The following C4orf51 variants were observed in gnomAD, a reference collection of about 807,000 sequenced individuals.
C4orf51 encodes the protein uncharacterized protein C4orf51.
C4orf51 carries 25 observed loss-of-function variants against 25.2 expected under a neutral mutation model. That is an observed-to-expected ratio of 0.99 (90% CI 0.72 to 1.39). The LOEUF (loss-of-function observed/expected upper bound fraction) is 1.39. Among genes scored for constraint, C4orf51 ranks in the 40% most tolerant of loss-of-function variants. The probability of loss-of-function intolerance (pLI) is 0.00; values close to 1 mark genes in which losing one functional copy is unlikely to be tolerated. For missense variants in C4orf51, 252 were observed against 239.6 expected (o/e 1.05, Z -0.34); for synonymous variants, 100 against 84.5 (o/e 1.18, Z -1.01).
intron 1 of C4orf51, 64 bp downstream of exon 1, chr4:145,680,500 AGAAAG>A: frequency 8.1e-7 from 1 of 1,230,258 alleles, no homozygotes; most frequent in Non-Finnish European, 1.2e-6. Flanking sequence ...TGCTCTTAGA[AGAAAG>A]AGGTATTGTA....
At chr4:145,681,995 T>C (rs937426791) in intron 1 of C4orf51, among the ~76,000 whole-genome samples, 3 of 152,146 alleles carry the variant, frequency 2.0e-5, no homozygotes, top group Non-Finnish European at 4.4e-5. Context: ...AGAAAGATGG[T>C]ATCCAAACAG....
intron 1 of C4orf51, among the ~76,000 whole-genome samples, chr4:145,695,509 T>G (rs1173830735): frequency 6.6e-6 from 1 of 152,232 alleles, no homozygotes; most frequent in Non-Finnish European, 1.5e-5. Flanking sequence ...CCTGCAAATA[T>G]TTTATCCTCT....
chr4:145,774,645 C>T (rs1397232260), downstream of C4orf51: 1 of 1,613,818 alleles, frequency 6.2e-7, no homozygotes, highest in Non-Finnish European at 8.5e-7. Flanking sequence ...GGACATTGAG[C>T]TCGGTCTCAA....
downstream of C4orf51, chr4:145,757,489 C>T (rs1274292656): frequency 6.6e-6 from 1 of 152,060 alleles, no homozygotes; most frequent in Non-Finnish European, 1.5e-5. Flanking sequence ...AATTTTGTGA[C>T]AGTTATAACC....
At position 145,761,359 on chromosome 4, in the gene C4orf51, C is replaced by T. The variant is rs747642470; in HGVS notation, n.167-9629C>T. 7.0e-6 allele frequency: 9 copies of T among 1,289,818 alleles called. No individual in the cohort carries two copies. Among genetic ancestry groups the T allele is most frequent in the African/African-American group, 3.0e-5 (2 of 65,864 alleles). 79.9% of individuals were successfully genotyped at this position (1,289,818 alleles called of 1,614,324 possible). On this transcript the variant is annotated intron_variant and non_coding_transcript_variant, in intron 1 of 1. Transcript: ENST00000510096. The surrounding 1 kb of genome is among the most constrained non-coding windows in gnomAD (Gnocchi z 6.8). ...GCTGCACTGGTCACAGTGGAAGGGC[C>T]GCTCCCCGGTGTGGACGCGCACGTG...
intron 1 of C4orf51, among the ~76,000 whole-genome samples, chr4:145,753,084 G>A (rs7680690): frequency 0.017 from 2,649 of 151,830 alleles, 71 homozygotes; most frequent in African/African-American, 0.061. Context: ...TCAGTAATAT[G>A]AAGTTAAAAC....
chr4:145,729,111 T>G, intron 3 of C4orf51, 58 bp from the exon 4 acceptor site: 2 of 1,164,662 alleles, frequency 1.7e-6, no homozygotes, highest in Non-Finnish European at 2.5e-6. Context: ...ATGAATTTTA[T>G]TAGATTTCTA....
chr4:145,760,790 C>T (rs1734371712), intron 1 of C4orf51: 1 of 1,169,636 alleles, frequency 8.5e-7, no homozygotes, highest in African/African-American at 1.7e-5. Flanking sequence ...CAGACAGTCT[C>T]TGCTCTTTCT....
intron 1 of C4orf51, among the ~76,000 whole-genome samples, chr4:145,769,186 G>A (rs994383307): frequency 6.6e-6 from 1 of 151,856 alleles, no homozygotes; most frequent in Non-Finnish European, 1.5e-5. Flanking sequence ...TATTAGAACT[G>A]CAAGTATGTG....
chr4:145,720,029 GC>G (rs1280068900), intron 2 of C4orf51, among the ~76,000 whole-genome samples: 3 of 152,142 alleles, frequency 2.0e-5, no homozygotes, highest in African/African-American at 7.2e-5. Context: ...TCAGAGGTGT[GC>G]CCCCTTGTTC....
chr4:145,698,702 A>G (rs946147517), intron 2 of C4orf51, among the ~76,000 whole-genome samples: 1 of 152,148 alleles, frequency 6.6e-6, no homozygotes, highest in East Asian at 1.9e-4. Flanking sequence ...GCCCTGAACT[A>G]GTTTTTCAGG....
intron 2 of C4orf51, among the ~76,000 whole-genome samples, chr4:145,724,059 GC>G (rs780833256): frequency 4.8e-4 from 73 of 152,320 alleles, no homozygotes; most frequent in Middle Eastern, 6.8e-3. Flanking sequence ...AAATTCTAAT[GC>G]CTGGTTTTTT....
chr4:145,683,180 G>T (rs1219647544), intron 1 of C4orf51, among the ~76,000 whole-genome samples: 1 of 151,848 alleles, frequency 6.6e-6, no homozygotes, highest in Non-Finnish European at 1.5e-5. Flanking sequence ...TAAACACTTA[G>T]GTATAAATCT....
chr4:145,780,492 A>G, the C4orf51 span, among the ~76,000 whole-genome samples: 2 of 152,260 alleles, frequency 1.3e-5, no homozygotes, highest in African/African-American at 4.8e-5. Context: ...CCCATAATTC[A>G]TAGCCATGAA....
rs1006984807 is a variant in C4orf51, at chr4:145,761,851, C to T, written n.167-9137C>T. 8.5e-5 allele frequency among the ~76,000 whole-genome samples: 13 copies of T among 152,216 alleles called. No individual in the cohort carries two copies. Among genetic ancestry groups the T allele is most frequent in the South Asian group, 2.1e-4 (1 of 4,830 alleles). On this transcript the variant is annotated intron_variant and non_coding_transcript_variant, in intron 1 of 1. Transcript: ENST00000510096. This position sits in a 1 kb window ranked among gnomAD's most constrained non-coding sequence, Gnocchi z 6.8. ...CCTATTCTGGGTCTCTTGGCCGATA[C>T]AGGCAAGGCCAGCCCTCACCAAGGG...
At chr4:145,696,773 C>A in intron 2 of C4orf51, 141 bp downstream of exon 2, 2 of 636,712 alleles carry the variant, frequency 3.1e-6, no homozygotes, top group East Asian at 2.8e-5. Context: ...TGGCTCACAC[C>A]TGTACTCTCA....
At chr4:145,698,750 C>T (rs1351084640) in intron 2 of C4orf51, among the ~76,000 whole-genome samples, 1 of 152,188 alleles carries the variant, frequency 6.6e-6, no homozygotes, top group Admixed American at 6.5e-5. Context: ...GGAAGCTCCA[C>T]CAGTCAGTTG....
chr4:145,790,806 AC>A, the C4orf51 span, among the ~76,000 whole-genome samples: 1 of 152,104 alleles, frequency 6.6e-6, no homozygotes, highest in African/African-American at 2.4e-5. Context: ...TCTGCTCCTA[AC>A]CTATTGAATT....
the C4orf51 span, among the ~76,000 whole-genome samples, chr4:145,787,195 T>C: frequency 2.6e-5 from 4 of 152,218 alleles, no homozygotes; most frequent in Non-Finnish European, 5.9e-5. Flanking sequence ...CCGGGCGCAG[T>C]GGCTCAGGCC....
Sources: allele counts gnomAD v4.1 joint callset (sites outside exome capture counted in the v4.1 genomes callset), GRCh38; gene constraint gnomAD v4.1.1; non-coding constraint Gnocchi (gnomAD v3.1); transcripts MANE v1.5; gene names NCBI Gene and HGNC (gene_info 2026-07-23, HGNC 2026-07-21).